Variants in ENOX1 observed in about 807,000 individuals in gnomAD.
ENOX1 encodes ecto-NOX disulfide-thiol exchanger 1, also known as candidate growth-related and time keeping constitutive hydroquinone (NADH) oxidase.
A neutral mutation model predicts 82.5 loss-of-function variants in ENOX1; 42 were observed. The ratio of observed to expected loss-of-function variants is 0.51; its 90% CI spans 0.40 to 0.66. The LOEUF (loss-of-function observed/expected upper bound fraction) is 0.66. Among genes scored for constraint, ENOX1 ranks in the 30% least tolerant of loss-of-function variants. The probability of loss-of-function intolerance (pLI) is 0.00; values close to 1 mark genes in which losing one functional copy is unlikely to be tolerated. For missense variants in ENOX1, 608 were observed against 811.6 expected (o/e 0.75, Z 3.05); for synonymous variants, 271 against 282.2 (o/e 0.96, Z 0.40).
chr13:43,653,787 A>G (rs1242167018), intron 2 of ENOX1, among the ~76,000 whole-genome samples: 1 of 152,220 alleles, frequency 6.6e-6, no homozygotes. Flanking sequence ...CAAAGAAGAC[A>G]AGACCATTTG....
chr13:43,777,695 A>G (rs1952002888), intron 1 of ENOX1, among the ~76,000 whole-genome samples: 1 of 150,686 alleles, frequency 6.6e-6, no homozygotes, highest in East Asian at 1.9e-4. Flanking sequence ...GGCGCCCACC[A>G]CTATGCCTGG....
intron 2 of ENOX1, among the ~76,000 whole-genome samples, chr13:43,616,333 G>A: frequency 6.8e-6 from 1 of 146,774 alleles, no homozygotes. Flanking sequence ...CTCCCAAGTA[G>A]CTGGGAGTAC....
At chr13:43,530,533 C>T (rs2078166814) in intron 2 of ENOX1, among the ~76,000 whole-genome samples, 1 of 151,988 alleles carries the variant, frequency 6.6e-6, no homozygotes, top group African/African-American at 2.4e-5. Flanking sequence ...TTATGCAACC[C>T]CAGGATTTGA....
intron 2 of ENOX1, among the ~76,000 whole-genome samples, chr13:43,521,018 C>A (rs1156837363): frequency 6.6e-5 from 10 of 152,094 alleles, no homozygotes; most frequent in Admixed American, 1.3e-4. Context: ...ATGCAGGAAA[C>A]AATGGTTTTT....
chr13:43,593,082 T>C (rs563660117), intron 2 of ENOX1, among the ~76,000 whole-genome samples: 1 of 152,334 alleles, frequency 6.6e-6, no homozygotes, highest in African/African-American at 2.4e-5. Context: ...AAGAACTGCT[T>C]GTATAACTGG....
chr13:43,643,371 T>G (rs1310811676), intron 2 of ENOX1, among the ~76,000 whole-genome samples: 1 of 152,214 alleles, frequency 6.6e-6, no homozygotes, highest in Non-Finnish European at 1.5e-5. Flanking sequence ...TAGTATGAGC[T>G]GGACAACAGG....
intron 1 of ENOX1, among the ~76,000 whole-genome samples, chr13:43,767,111 T>C (rs1413280991): frequency 6.6e-6 from 1 of 152,184 alleles, no homozygotes; most frequent in African/African-American, 2.4e-5. Context: ...TGAAATTAGT[T>C]TCACGGGGAA....
chr13:43,747,984 A>C (rs1246335268), intron 1 of ENOX1, among the ~76,000 whole-genome samples: 1 of 152,206 alleles, frequency 6.6e-6, no homozygotes. Context: ...CACCAACAGA[A>C]ATCACAGATA....
At chr13:43,649,875 G>A (rs2084075803) in intron 2 of ENOX1, among the ~76,000 whole-genome samples, 1 of 152,204 alleles carries the variant, frequency 6.6e-6, no homozygotes, top group South Asian at 2.1e-4. Context: ...GGACTAACAA[G>A]TCTGAGCTTT....
intron 3 of ENOX1, among the ~76,000 whole-genome samples, chr13:43,458,684 C>T (rs1042225892): frequency 3.3e-5 from 5 of 152,160 alleles, no homozygotes; most frequent in African/African-American, 9.7e-5. Context: ...TTCTTGACCC[C>T]TTTAGAATTC....
chr13:43,432,671 TAGAA>T (rs965856709), intron 3 of ENOX1, among the ~76,000 whole-genome samples: 7 of 152,006 alleles, frequency 4.6e-5, no homozygotes, highest in African/African-American at 1.2e-4. Flanking sequence ...TAAATAAAAA[TAGAA>T]AGAAAGAAAA....
At chr13:43,721,721 A>G (rs1203456338) in intron 1 of ENOX1, among the ~76,000 whole-genome samples, 2 of 151,994 alleles carry the variant, frequency 1.3e-5, no homozygotes, top group African/African-American at 2.4e-5. Context: ...TGCTTTTTGC[A>G]CAAGGGGCCC....
In ENOX1 at chr13:43,357,055, G is replaced by A. The variant is rs765315508; in HGVS notation, c.590-903C>T. ...CTAACAGAACTGAAACCAGTCAGCC[G>A]GCCTAACTTCAAATGAAGAAGAGTT... On this transcript the variant is annotated intron_variant, in intron 7 of 16. Transcript: ENST00000690772. Among the ~76,000 whole-genome samples, 64 of 152,098 alleles carry A rather than the reference G, an allele frequency of 4.2e-4. 2 individuals are homozygous for A. The highest frequency in any genetic ancestry group is 3.3e-4 in the Admixed American group (5 of 15,280).
chr13:43,697,709 T>C lies in ENOX1; in HGVS notation c.-284-30165A>G, dbSNP rs188402149. 3.2e-3 allele frequency among the ~76,000 whole-genome samples: 483 copies of C among 152,276 alleles called. 5 individuals are homozygous for C. Among genetic ancestry groups the C allele is most frequent in the Non-Finnish European group, 4.4e-3 (297 of 68,022 alleles). ...GGACGGGATTCCAGAAAGACTCTAGTTCACACAAATTGGACAGATCTGATA... is the reference window on the plus strand; with the variant it reads ...GGACGGGATTCCAGAAAGACTCTAGCTCACACAAATTGGACAGATCTGATA... On this transcript the variant is annotated intron_variant, in intron 1 of 16. Coordinates refer to ENST00000690772, the MANE Select transcript of ENOX1 (RefSeq NM_001347969.2).
intron 9 of ENOX1, among the ~76,000 whole-genome samples, chr13:43,329,116 G>A (rs1397933697): frequency 6.6e-6 from 1 of 152,214 alleles, no homozygotes; most frequent in African/African-American, 2.4e-5. Flanking sequence ...GCTTGGCAGA[G>A]AAGGCAGGAG....
intron 12 of ENOX1, among the ~76,000 whole-genome samples, chr13:43,274,936 A>T (rs2044918504): frequency 6.6e-6 from 1 of 152,244 alleles, no homozygotes; most frequent in Non-Finnish European, 1.5e-5. Flanking sequence ...GCCCTAGAAT[A>T]AGTGAGGTCA....
intron 2 of ENOX1, among the ~76,000 whole-genome samples, chr13:43,509,892 A>G (rs977456388): frequency 6.6e-6 from 1 of 152,000 alleles, no homozygotes; most frequent in Non-Finnish European, 1.5e-5. Context: ...TTCCTGAAAG[A>G]GAATTTTCCA....
At chr13:43,361,235 A>C in intron 6 of ENOX1, 44 bp downstream of exon 6, 1 of 1,589,612 alleles carries the variant, frequency 6.3e-7, no homozygotes, top group Non-Finnish European at 8.6e-7. Context: ...TTTAAAAAGA[A>C]AAACATTTAA....
intron 16 of ENOX1, among the ~76,000 whole-genome samples, chr13:43,220,231 T>C (rs961738056): frequency 1.3e-5 from 2 of 148,294 alleles, no homozygotes; most frequent in African/African-American, 5.0e-5. Context: ...GAGAAAAGAA[T>C]ATGGAAGGAA....
Sources: allele counts gnomAD v4.1 joint callset (sites outside exome capture counted in the v4.1 genomes callset), GRCh38; gene constraint gnomAD v4.1.1; transcripts MANE v1.5; gene names NCBI Gene and HGNC (gene_info 2026-07-23, HGNC 2026-07-21).